The following FRG1 variants were observed in gnomAD, a reference collection of about 807,000 sequenced individuals.
The protein encoded by FRG1 is protein FRG1.
A neutral mutation model predicts 37.0 loss-of-function variants in FRG1; 19 were observed. The ratio of observed to expected loss-of-function variants is 0.51; its 90% CI spans 0.36 to 0.75. The LOEUF (loss-of-function observed/expected upper bound fraction) is 0.75. FRG1 is among the 30% of genes least tolerant of loss of function. The pLI is 0.00. For synonymous variants in FRG1, 73 were observed against 96.5 expected, an observed-to-expected ratio of 0.76 and a Z score of 1.43; for missense variants, 243 against 301.4, an observed-to-expected ratio of 0.81 and a Z score of 1.44.
chr4:189,958,369 G>C (rs1040464008), intron 6 of FRG1, among the ~76,000 whole-genome samples: 1 of 152,148 alleles, frequency 6.6e-6, no homozygotes, highest in Non-Finnish European at 1.5e-5. Flanking sequence ...CGTAATGCTT[G>C]AGCTTCTGTG....
At position 189,955,199 on chromosome 4, in the gene FRG1, A is replaced by G. The variant is rs760233573; in HGVS notation, c.432+48A>G. The G allele has an allele frequency of 1.0e-5, 12 of 1,142,894 alleles. No individual in the cohort carries two copies. The East Asian group carries it at 2.8e-4, about 27-fold the overall frequency. 70.8% of individuals were successfully genotyped at this position (1,142,894 alleles called of 1,614,324 possible). On this transcript the variant is annotated intron_variant, in intron 5 of 8. Coordinates refer to ENST00000226798, the MANE Select transcript of FRG1 (RefSeq NM_004477.3). Reference sequence around the variant, plus strand: ...AAAACTTCCTGTCAGTTTAACAGAAAGTCTGTTAACAGTCAATCATAATAT... The same window carrying G: ...AAAACTTCCTGTCAGTTTAACAGAAGGTCTGTTAACAGTCAATCATAATAT...
At chr4:189,942,313 C>A (rs1579614542) in intron 1 of FRG1, among the ~76,000 whole-genome samples, 1 of 152,132 alleles carries the variant, frequency 6.6e-6, no homozygotes, top group Non-Finnish European at 1.5e-5. Context: ...TCACCACTGT[C>A]TAGTTGCTCA....
At chr4:189,956,907 A>C (rs574516120) in intron 5 of FRG1, among the ~76,000 whole-genome samples, 2 of 152,346 alleles carry the variant, frequency 1.3e-5, no homozygotes, top group African/African-American at 4.8e-5. Context: ...AAAGTATATG[A>C]ATATTTATTT....
rs189685431 is a variant in FRG1 at position 189,941,905 on chromosome 4, T to C, written c.62+834T>C. On this transcript the variant is annotated intron_variant, in intron 1 of 8. Coordinates refer to ENST00000226798, the MANE Select transcript of FRG1 (RefSeq NM_004477.3). ...GTGATAAACAGAGGTTTTGATATTT[T>C]TAGGCGAGATAGAAAGTATCAAGGA... 105 of 436,928 alleles carry C rather than the reference T, an allele frequency of 2.4e-4. 1 individual carries two copies. Among genetic ancestry groups the C allele is most frequent in the African/African-American group, 2.1e-3 (102 of 49,272 alleles). 27.1% of individuals were successfully genotyped at this position (436,928 alleles called of 1,614,324 possible). A position where few individuals can be genotyped will look rare whatever the true frequency, so the allele number is the denominator to read the frequency against.
chr4:189,961,921 G>A lies in FRG1; in HGVS notation c.729G>A (p.Thr243=), dbSNP rs1359595115. The A allele has an allele frequency of 3.2e-6, 5 of 1,543,334 alleles. No homozygotes were observed. The highest frequency in any genetic ancestry group is 1.2e-5 in the South Asian group (1 of 82,438). The change falls in exon 8 of 9, where the codon ACG becomes ACA. Residue 243 remains threonine (T), a synonymous_variant. Coordinates refer to ENST00000226798, the MANE Select transcript of FRG1 (RefSeq NM_004477.3). ...GGAAAGATGGATTTTTGCATGAGAC[G>A]CTTCTGGACAGGTAGCTATTTATTT... is the stretch of plus-strand genomic sequence containing the variant. ...KARKDGFLHE[T]LLDRRAKLKA...
At chr4:189,959,071 A>C (rs1283326707) in intron 6 of FRG1, among the ~76,000 whole-genome samples, 5 of 152,234 alleles carry the variant, frequency 3.3e-5, no homozygotes, top group African/African-American at 1.2e-4. Flanking sequence ...TTAGAGCATA[A>C]AAATTTATGT....
chr4:189,954,494 A>G (rs1376841309), intron 4 of FRG1, among the ~76,000 whole-genome samples: 1 of 152,120 alleles, frequency 6.6e-6, no homozygotes, highest in Non-Finnish European at 1.5e-5. Flanking sequence ...TTGTTATGTA[A>G]TATATAAGGT....
At chr4:189,943,776 C>T (rs1411562736) in intron 2 of FRG1, among the ~76,000 whole-genome samples, 1 of 152,068 alleles carries the variant, frequency 6.6e-6, no homozygotes, top group South Asian at 2.1e-4. Context: ...GCCTGTTTTC[C>T]GTTTAGTTCT....
At chr4:189,956,613 C>A (rs1265689909) in intron 5 of FRG1, among the ~76,000 whole-genome samples, 1 of 152,162 alleles carries the variant, frequency 6.6e-6, no homozygotes, top group African/African-American at 2.4e-5. Flanking sequence ...GCCCTTGTGA[C>A]CTTGACTAAG....
intron 6 of FRG1, 138 bp downstream of exon 6, chr4:189,957,640 C>T (rs370839223): frequency 5.3e-6 from 4 of 758,224 alleles, no homozygotes; most frequent in Non-Finnish European, 8.9e-6. Context: ...TTCAAATAGA[C>T]TCATTTTTAA....
At chr4:189,954,979 T>C in intron 4 of FRG1, 58 bp from the exon 5 acceptor site, 1 of 1,024,848 alleles carries the variant, frequency 9.8e-7, no homozygotes, top group Non-Finnish European at 1.5e-6. Flanking sequence ...CCTGTTTTGA[T>C]GTCCTATAAT....
chr4:189,959,285 A>G (rs993860537), intron 6 of FRG1, among the ~76,000 whole-genome samples: 5 of 152,204 alleles, frequency 3.3e-5, no homozygotes, highest in African/African-American at 1.2e-4. Context: ...TTTTCATTGC[A>G]TGCACCCAGC....
rs531219446 is a variant in FRG1, at chr4:189,948,044, A to T, written c.134-4118A>T. Reference sequence around the variant, plus strand: ...TCCAGTTTCAGTTTTCTCGTTGGTCATGGTGGGAGGGCAAGTCCATCTTGG... The same window carrying T: ...TCCAGTTTCAGTTTTCTCGTTGGTCTTGGTGGGAGGGCAAGTCCATCTTGG... On this transcript the variant is annotated intron_variant, in intron 2 of 8. Transcript: ENST00000226798. Among the ~76,000 whole-genome samples the T allele has an allele frequency of 5.3e-5, 8 of 152,318 alleles. No homozygotes were observed. In the South Asian group the frequency reaches 1.7e-3, roughly 32 times the overall value.
At chr4:189,941,813 G>T (rs564976700) in intron 1 of FRG1, 2 of 424,770 alleles carry the variant, frequency 4.7e-6, no homozygotes, top group Non-Finnish European at 9.4e-6. Context: ...TCATATCCCC[G>T]CTTCTTTTTT....
At chr4:189,951,977 C>G (rs1338375414) in intron 2 of FRG1, among the ~76,000 whole-genome samples, 185 bp from the exon 3 acceptor site, 1 of 152,098 alleles carries the variant, frequency 6.6e-6, no homozygotes, top group Admixed American at 6.5e-5. Flanking sequence ...TTTCCTGATT[C>G]TGACAGTGTA....
chr4:189,942,122 A>G (rs1561061113), intron 1 of FRG1: 1 of 166,362 alleles, frequency 6.0e-6, no homozygotes, highest in Non-Finnish European at 1.3e-5. Flanking sequence ...GATCATCGTA[A>G]TAATCATAAT....
At position 189,947,988 on chromosome 4, in the gene FRG1, A is replaced by G. The variant is rs530322791; in HGVS notation, c.134-4174A>G. ...ACAGTCCTGTTCTGCCTGTGTTCCA[A>G]TCTCTGAAAACAGTTTTCTCAAATA... On this transcript the variant is annotated intron_variant, in intron 2 of 8. Coordinates refer to ENST00000226798, the MANE Select transcript of FRG1 (RefSeq NM_004477.3). Among the ~76,000 whole-genome samples the G allele has an allele frequency of 4.2e-4, 64 of 151,970 alleles. No homozygotes were observed. In the South Asian group the frequency reaches 6.7e-3, roughly 16 times the overall value.
At chr4:189,951,539 C>T (rs13133725) in intron 2 of FRG1, among the ~76,000 whole-genome samples, 43,646 of 150,880 alleles carry the variant, frequency 0.29, 6,429 homozygotes, top group Middle Eastern at 0.43. Context: ...CCTGTAGAGG[C>T]ATTTTTAAGA....
At chr4:189,944,458 T>C (rs1159887336) in intron 2 of FRG1, among the ~76,000 whole-genome samples, 1 of 152,156 alleles carries the variant, frequency 6.6e-6, no homozygotes, top group Non-Finnish European at 1.5e-5. Context: ...TACTGTCTTA[T>C]GTCTTTGATC....
Sources: allele counts gnomAD v4.1 joint callset (sites outside exome capture counted in the v4.1 genomes callset), GRCh38; gene constraint gnomAD v4.1.1; transcripts MANE v1.5; gene names NCBI Gene and HGNC (gene_info 2026-07-23, HGNC 2026-07-21).